Variants in SEPTIN8 observed in about 807,000 individuals in gnomAD.
The protein encoded by SEPTIN8 is septin 8.
SEPTIN8 carries 22 observed loss-of-function variants against 53.1 expected under a neutral mutation model. That is an observed-to-expected ratio of 0.41 (90% CI 0.30 to 0.59). The LOEUF (loss-of-function observed/expected upper bound fraction) is 0.59, where lower values mean the gene tolerates loss of function less well. SEPTIN8 is among the 20% of genes least tolerant of loss of function. SEPTIN8 has a pLI of 0.24. For missense variants in SEPTIN8, 536 were observed against 638.7 expected (o/e 0.84, Z 1.73); for synonymous variants, 228 against 248.4 (o/e 0.92, Z 0.77).
chr5:132,764,489 G>A (rs1441644420), intron 2 of SEPTIN8, 70 bp from the exon 3 acceptor site: 8 of 1,335,342 alleles, frequency 6.0e-6, no homozygotes, highest in Non-Finnish European at 8.2e-6. Context: ...TTGACTGGTG[G>A]CTAGGCCAGG....
upstream of SEPTIN8, among the ~76,000 whole-genome samples, chr5:132,779,528 T>G (rs1758007303): frequency 6.6e-6 from 1 of 152,226 alleles, no homozygotes; most frequent in Non-Finnish European, 1.5e-5. Flanking sequence ...ACACTGAACT[T>G]GAACATGACA....
rs1754804776 is a variant in SEPTIN8, at chr5:132,751,057, G to A, written c.*959C>T. The A allele has an allele frequency of 1.9e-6, 3 of 1,586,660 alleles. No individual in the cohort carries two copies. The highest frequency in any genetic ancestry group is 2.7e-5 in the African/African-American group (2 of 73,974). ...ACTCGTTTGTGCCTTTGGAACAGCT[G>A]TTTACAACATGGGATGGCAAAGCAC... On this transcript the variant is annotated 3_prime_UTR_variant, in exon 10 of 10. Coordinates refer to ENST00000378719, the MANE Select transcript of SEPTIN8 (RefSeq NM_001098811.2).
intron 9 of SEPTIN8, chr5:132,757,384 C>G: frequency 1.0e-6 from 1 of 985,464 alleles, no homozygotes; most frequent in South Asian, 4.7e-5. Flanking sequence ...TCTCCCTGAG[C>G]AGAACATCAT....
chr5:132,780,080 TA>T (rs1232965828), upstream of SEPTIN8, among the ~76,000 whole-genome samples: 2 of 152,184 alleles, frequency 1.3e-5, no homozygotes, highest in African/African-American at 4.8e-5. Context: ...GAGGCAATGA[TA>T]GTAATACAGT....
chr5:132,768,237 C>T (rs370677933), intron 1 of SEPTIN8, among the ~76,000 whole-genome samples: 1 of 152,038 alleles, frequency 6.6e-6, no homozygotes, highest in African/African-American at 2.4e-5. Context: ...ACTCTGTTAT[C>T]GCAGGGGCCA....
At chr5:132,759,700 C>G (rs1335528967) in intron 9 of SEPTIN8, among the ~76,000 whole-genome samples, 2 of 152,140 alleles carry the variant, frequency 1.3e-5, no homozygotes, top group African/African-American at 2.4e-5. Context: ...GAATGACGGC[C>G]AGGTTGGGTT....
chr5:132,769,270 C>A (rs1173710834), intron 1 of SEPTIN8, among the ~76,000 whole-genome samples: 1 of 152,222 alleles, frequency 6.6e-6, no homozygotes, highest in African/African-American at 2.4e-5. Context: ...TGAGAACAGA[C>A]CAAGCTCTTG....
intron 1 of SEPTIN8, chr5:132,774,094 C>T (rs560134562): frequency 2.4e-5 from 4 of 165,380 alleles, no homozygotes; most frequent in African/African-American, 9.6e-5. Context: ...AGACCTTGAG[C>T]CTCATTTGGG....
In SEPTIN8 at chr5:132,752,167, C is replaced by T; in HGVS notation, c.1301G>A (p.Gly434Glu). ...DKDKKNRSDI[G>E]AHQPGMSLSS... The stretch of plus-strand genomic sequence containing the variant: ...GAGGCTCATGCCCGGCTGGTGTGCT[C>T]CTATATCTGATCTGCTAAAGAAAGC... The change falls in exon 10 of 10, where the codon GGA (glycine) becomes GAA (glutamate). Residue 434 changes from glycine to glutamate, a missense_variant. Gly to Glu is a moderately conservative substitution (Grantham distance 98). Around this residue, in one of 3 missense-constraint regions of SEPTIN8, gnomAD observed 133 missense variants for 157.4 expected, o/e 0.84. Transcript: ENST00000378719. 1.9e-6 allele frequency: 3 copies of T among 1,586,252 alleles called. No individual in the cohort carries two copies. The highest frequency in any genetic ancestry group is 2.6e-6 in the Non-Finnish European group (3 of 1,165,060).
chr5:132,754,400 C>G (rs1287662633), intron 9 of SEPTIN8: 7 of 717,416 alleles, frequency 9.8e-6, no homozygotes, highest in Non-Finnish European at 1.8e-5. Flanking sequence ...GAAGGACATC[C>G]TGAGGGCCCA....
chr5:132,762,678 G>A, intron 4 of SEPTIN8, 33 bp from the exon 5 acceptor site: 1 of 1,613,012 alleles, frequency 6.2e-7, no homozygotes, highest in Non-Finnish European at 8.5e-7. Context: ...CAGCAGGCTG[G>A]TTGGCTCTTT....
At position 132,764,497 on chromosome 5, in the gene SEPTIN8, A is replaced by G. The variant is rs1756378653; in HGVS notation, c.152-78T>C. 4 of 1,280,942 alleles carry G rather than the reference A, an allele frequency of 3.1e-6. No homozygotes were observed. The Admixed American group carries it at 6.8e-5, about 22-fold the overall frequency. The allele number at this position is 1,280,942 out of a possible 1,614,324, so 79.3% of individuals were successfully genotyped here. A position where few individuals can be genotyped will look rare whatever the true frequency, so the allele number is the denominator to read the frequency against. On this transcript the variant is annotated intron_variant, in intron 2 of 9. Coordinates refer to ENST00000378719, the MANE Select transcript of SEPTIN8 (RefSeq NM_001098811.2). The stretch of plus-strand genomic sequence containing the variant: ...GCTGTCCTTGACTGGTGGCTAGGCC[A>G]GGCAGGGCTCAGGCATCCATGGCCC...
rs1228674819 is a variant in SEPTIN8, at chr5:132,761,590, C to T, written c.830G>A (p.Arg277Gln). ...CATGTTCACCCGGATCAACATCTCC[C>T]GCAGCTTCACGAAGTCGCAGTGATT... ...NENHCDFVKL[R>Q]EMLIRVNMED... is the part of the protein sequence containing the mutation. Residue 277 changes from arginine to glutamine, a missense_variant, in exon 7 of 10, where the codon CGG becomes CAG. By Grantham distance (43) the Arg-to-Gln change is conservative. Around this residue, in one of 3 missense-constraint regions of SEPTIN8, gnomAD observed 395 missense variants for 451.8 expected, o/e 0.87. Transcript: ENST00000378719. This position sits in a 1 kb window ranked among gnomAD's most constrained non-coding sequence, Gnocchi z 5.8. 3.1e-6 allele frequency: 5 copies of T among 1,614,008 alleles called. No individual in the cohort carries two copies. The highest frequency in any genetic ancestry group is 1.1e-5 in the South Asian group (1 of 91,078).
At chr5:132,754,342 C>T (rs1561733614) in intron 9 of SEPTIN8, 1 of 710,758 alleles carries the variant, frequency 1.4e-6, no homozygotes, top group Non-Finnish European at 2.6e-6. Context: ...GTTGAGTGCC[C>T]TCTGCCTCCT....
rs774473174 is a variant in SEPTIN8 at position 132,752,052 on chromosome 5, C to G, written c.1416G>C (p.Leu472=). ...WWPAIQCCSC[L]VRDATWREGF... ...CTTCCCTCCACGTCGCATCCCTGACCAGGCAGCTGCAGCACTGTATGGCGG... is the reference window on the plus strand; with the variant it reads ...CTTCCCTCCACGTCGCATCCCTGACGAGGCAGCTGCAGCACTGTATGGCGG... The change falls in exon 10 of 10, where the codon CTG becomes CTC. Residue 472 remains leucine (L), a synonymous_variant. Transcript: ENST00000378719. The G allele has an allele frequency of 7.9e-5, 127 of 1,610,138 alleles. No individual in the cohort carries two copies. The highest frequency in any genetic ancestry group is 9.2e-5 in the Non-Finnish European group (109 of 1,178,386).
chr5:132,764,494 G>T, intron 2 of SEPTIN8, 75 bp from the exon 3 acceptor site: 1 of 1,280,048 alleles, frequency 7.8e-7, no homozygotes, highest in Non-Finnish European at 1.1e-6. Flanking sequence ...TGGTGGCTAG[G>T]CCAGGCAGGG....
At chr5:132,778,176 T>C (rs1211383523), upstream of SEPTIN8, 1 of 704,204 alleles carries the variant, frequency 1.4e-6, no homozygotes, top group African/African-American at 1.9e-5. Flanking sequence ...CCCGTTTCTT[T>C]CTCTTCCCTC....
At chr5:132,769,982 CATATATATAT>C (rs1164726534) in intron 1 of SEPTIN8, among the ~76,000 whole-genome samples, 962 of 55,292 alleles carry the variant, frequency 0.017, 32 homozygotes, top group African/African-American at 0.053. Flanking sequence ...TCTATATATA[CATATATATAT>C]ATATATATAT....
upstream of SEPTIN8, chr5:132,777,712 C>T: frequency 2.0e-6 from 2 of 985,540 alleles, no homozygotes; most frequent in Non-Finnish European, 2.4e-6. This position sits in a 1 kb window ranked among gnomAD's most constrained non-coding sequence, Gnocchi z 4.1. Flanking sequence ...CCGTCGGATC[C>T]GGGAGAGGCC....
Sources: allele counts gnomAD v4.1 joint callset (sites outside exome capture counted in the v4.1 genomes callset), GRCh38; gene constraint gnomAD v4.1.1; regional missense constraint gnomAD v4.1.1; non-coding constraint Gnocchi (gnomAD v3.1); transcripts MANE v1.5; gene names NCBI Gene and HGNC (gene_info 2026-07-23, HGNC 2026-07-21).